Variants in NUBP2 observed in about 807,000 individuals in gnomAD.
NUBP2 encodes the protein cytosolic Fe-S cluster assembly factor NUBP2.
Under a neutral mutation model 24.9 loss-of-function variants are expected in NUBP2, and 23 were observed. The ratio of observed to expected loss-of-function variants is 0.92; its 90% CI spans 0.66 to 1.31. The LOEUF (loss-of-function observed/expected upper bound fraction) is 1.31, where lower values mean the gene tolerates loss of function less well. Ranked by LOEUF, NUBP2 falls within the 50% of genes most tolerant of loss-of-function variation. NUBP2 has a pLI of 0.00. For missense variants in NUBP2, 403 were observed against 386.5 expected (o/e 1.04, Z -0.36); for synonymous variants, 186 against 170.9 (o/e 1.09, Z -0.69).
chr16:1,786,837 C>T lies in NUBP2; in HGVS notation c.216C>T (p.Cys72=), dbSNP rs546172251. Residue 72 remains cysteine, a synonymous_variant, in exon 3 of 7, where the codon TGC becomes TGT. Transcript: ENST00000262302. ...CGCAGGGCAGGGCTGTGCACCAGTGCGACCGCGGCTGGGCACCCGTCTTCC... is the reference window on the plus strand; with the variant it reads ...CGCAGGGCAGGGCTGTGCACCAGTGTGACCGCGGCTGGGCACCCGTCTTCC... ...LGAQGRAVHQ[C]DRGWAPVFLD... is the part of the protein sequence containing the mutation. 2.4e-5 allele frequency: 39 copies of T among 1,597,928 alleles called. No homozygotes were observed. The highest frequency in any genetic ancestry group is 3.3e-4 in the Middle Eastern group (2 of 6,032).
chr16:1,783,107 G>T, intron 1 of NUBP2, 71 bp downstream of exon 1: 1 of 1,220,884 alleles, frequency 8.2e-7, no homozygotes, highest in Non-Finnish European at 1.0e-6. Context: ...CCTTCCCGGG[G>T]CGGCCTCGCT....
rs192572814 is a variant in NUBP2 at position 1,783,672 on chromosome 16, C to G, written c.16+636C>G. On this transcript the variant is annotated intron_variant, in intron 1 of 6. Coordinates refer to ENST00000262302, the MANE Select transcript of NUBP2 (RefSeq NM_012225.4). Reference sequence around the variant, plus strand: ...GACAGCAAGGTCTTGCAGCACAACTCTGACAGATTAGAAACCGAGTGCTGG... The same window carrying G: ...GACAGCAAGGTCTTGCAGCACAACTGTGACAGATTAGAAACCGAGTGCTGG... Among the ~76,000 whole-genome samples the G allele has an allele frequency of 8.1e-3, 1,231 of 152,336 alleles. 9 individuals carry two copies. Among genetic ancestry groups the G allele is most frequent in the Middle Eastern group, 0.02 (6 of 294 alleles).
Position 1,786,850 on chromosome 16 carries a change from GCA to G in NUBP2, c.231_232del (p.Pro78ArgfsTer62). 1 of 1,595,074 alleles carries G rather than the reference GCA, an allele frequency of 6.3e-7. No individual in the cohort carries two copies. ...RAVHQCDRGW[A>X]PVFLDREQSI... ...TGTGCACCAGTGCGACCGCGGCTGGGCACCCGTCTTCCTGGACCGGGAGCAGA... is the reference window on the plus strand; with the variant it reads ...TGTGCACCAGTGCGACCGCGGCTGGGCCCGTCTTCCTGGACCGGGAGCAGA... On this transcript the variant is annotated frameshift_variant, in exon 3 of 7. Transcript: ENST00000262302. LOFTEE classifies it high-confidence loss of function.
intron 2 of NUBP2, 27 bp from the exon 3 acceptor site, chr16:1,786,730 C>T (rs754599398): frequency 1.1e-5 from 18 of 1,610,854 alleles, no homozygotes; most frequent in Non-Finnish European, 1.4e-5. Flanking sequence ...GCGGTGCCCC[C>T]GGCCTAGGCT....
At chr16:1,787,405 C>T (rs2235649) in intron 3 of NUBP2, 131,964 of 545,244 alleles carry the variant, frequency 0.24, 17,436 homozygotes, top group South Asian at 0.42. Flanking sequence ...AGGGTCCTGG[C>T]TCCGTGTTCT....
chr16:1,784,095 C>CTT (rs759541816), intron 1 of NUBP2: 384 of 742,990 alleles, frequency 5.2e-4, no homozygotes, highest in Middle Eastern at 1.3e-3. Context: ...TTGATAGAAG[C>CTT]TTTTTTTTTT....
intron 3 of NUBP2, 38 bp from the exon 4 acceptor site, chr16:1,787,639 G>A: frequency 1.2e-6 from 2 of 1,606,558 alleles, no homozygotes; most frequent in Non-Finnish European, 1.7e-6. Context: ...GTGCAGACCT[G>A]CCCTGCCCTG....
chr16:1,783,381 G>A (rs1391405778), intron 1 of NUBP2: 12 of 1,072,298 alleles, frequency 1.1e-5, no homozygotes, highest in Non-Finnish European at 1.4e-5. Context: ...ACCGCAGCCC[G>A]GGCAAGAGCG....
intron 1 of NUBP2, chr16:1,785,348 C>T: frequency 1.8e-6 from 2 of 1,118,034 alleles, no homozygotes; most frequent in Non-Finnish European, 2.2e-6. Flanking sequence ...ACACTAAGGC[C>T]TGCATTTACC....
intron 1 of NUBP2, chr16:1,783,914 C>T: frequency 2.1e-6 from 1 of 466,280 alleles, no homozygotes; most frequent in East Asian, 1.5e-4. Flanking sequence ...AGGATGGTCT[C>T]GATCTCCTGA....
intron 1 of NUBP2, chr16:1,785,377 C>T (rs1465415169): frequency 3.4e-6 from 4 of 1,166,066 alleles, no homozygotes; most frequent in African/African-American, 1.6e-5. Flanking sequence ...CAGCCCAACA[C>T]ACCAGACAGG....
chr16:1,786,737 GGCTGTGCC>G lies in NUBP2; in HGVS notation c.136-16_136-9del, dbSNP rs1443679756. ...GAGGCCTGGCGGTGCCCCCGGCCTA[GGCTGTGCC>G]GCTCCTTGCAGGTGGGAATCCTGGA... is the stretch of plus-strand genomic sequence containing the variant. On this transcript the variant is annotated splice_polypyrimidine_tract_variant and intron_variant, in intron 2 of 6. Coordinates refer to ENST00000262302, the MANE Select transcript of NUBP2 (RefSeq NM_012225.4). 5.0e-6 allele frequency: 8 copies of G among 1,611,460 alleles called. No homozygotes were observed. The highest frequency in any genetic ancestry group is 6.8e-6 in the Non-Finnish European group (8 of 1,179,270).
chr16:1,785,717 T>A (rs1218066164), intron 1 of NUBP2: 2 of 1,289,122 alleles, frequency 1.6e-6, no homozygotes, highest in South Asian at 2.5e-5. Context: ...AGGACCCGCC[T>A]GCATGCCAGG....
At chr16:1,786,391 C>T (rs940467559) in intron 1 of NUBP2, 146 bp from the exon 2 acceptor site, 1 of 746,198 alleles carries the variant, frequency 1.3e-6, no homozygotes, top group Non-Finnish European at 2.2e-6. Context: ...TACATCGGGG[C>T]GAAGTGGGGC....
At chr16:1,783,869 A>G (rs987793654) in intron 1 of NUBP2, 52 of 255,228 alleles carry the variant, frequency 2.0e-4, no homozygotes, top group Admixed American at 3.3e-4. Flanking sequence ...AATTTTTTGT[A>G]TTTTTAGTAG....
chr16:1,785,740 C>T, intron 1 of NUBP2: 1 of 1,289,082 alleles, frequency 7.8e-7, no homozygotes, highest in Non-Finnish European at 1.0e-6. Flanking sequence ...CTCCGGGAGG[C>T]TTTGGACTTG....
chr16:1,787,553 C>A, intron 3 of NUBP2, 124 bp from the exon 4 acceptor site: 2 of 1,285,424 alleles, frequency 1.6e-6, no homozygotes, highest in South Asian at 2.7e-5. Flanking sequence ...GTGATGGAGG[C>A]TGGTGGCAAG....
chr16:1,783,486 G>C (rs939929049), intron 1 of NUBP2: 15 of 990,786 alleles, frequency 1.5e-5, no homozygotes, highest in Non-Finnish European at 1.8e-5. Flanking sequence ...TGGAAGTGGC[G>C]CTCTCAGTGT....
At chr16:1,783,536 G>C (rs1178731681) in intron 1 of NUBP2, 2 of 982,430 alleles carry the variant, frequency 2.0e-6, no homozygotes, top group Non-Finnish European at 2.4e-6. Flanking sequence ...ATTCACACCA[G>C]TGGGGACGAT....
Sources: gnomAD v4.1 joint callset for allele counts (sites outside exome capture counted in the v4.1 genomes callset) on GRCh38, gnomAD v4.1.1 for gene constraint, MANE v1.5 for transcripts, NCBI Gene and HGNC (gene_info 2026-07-23, HGNC 2026-07-21) for gene names.